The following NEGR1 variants were observed in gnomAD, a reference collection of about 807,000 sequenced individuals.
NEGR1 encodes neuronal growth regulator 1, also known as IgLON family member 4.
Under a neutral mutation model 40.9 loss-of-function variants are expected in NEGR1, and 10 were observed. The ratio of observed to expected loss-of-function variants is 0.24; its 90% CI spans 0.15 to 0.42. NEGR1 has a LOEUF of 0.42. Ranked by LOEUF, NEGR1 falls within the 10% of genes least tolerant of loss-of-function variation. The pLI is 1.00. For missense variants in NEGR1, 352 were observed against 438.9 expected (o/e 0.80, Z 1.77); for synonymous variants, 185 against 166.8 (o/e 1.11, Z -0.84).
intron 6 of NEGR1, among the ~76,000 whole-genome samples, chr1:71,446,627 G>T (rs1259172634): frequency 6.6e-6 from 1 of 152,172 alleles, no homozygotes; most frequent in African/African-American, 2.4e-5. Context: ...GACTGTGTAT[G>T]CTGTGTATGT....
chr1:72,063,402 T>C (rs1039860000), intron 1 of NEGR1, among the ~76,000 whole-genome samples: 5 of 151,960 alleles, frequency 3.3e-5, no homozygotes, highest in Non-Finnish European at 5.9e-5. Flanking sequence ...CTTATAGTTA[T>C]GTACGGCGTA....
intron 1 of NEGR1, among the ~76,000 whole-genome samples, chr1:71,983,680 T>C (rs1646372071): frequency 6.6e-6 from 1 of 152,154 alleles, no homozygotes; most frequent in Non-Finnish European, 1.5e-5. Context: ...AAATGAAAGA[T>C]GTATAAAGAA....
In NEGR1 at chr1:72,151,137, G is replaced by T. The variant is rs192529019; in HGVS notation, c.176+131182C>A. Among the ~76,000 whole-genome samples, 5 of 151,798 alleles carry T rather than the reference G, an allele frequency of 3.3e-5. No homozygotes were observed. In the East Asian group the frequency reaches 9.7e-4, roughly 29 times the overall value. On this transcript the variant is annotated intron_variant, in intron 1 of 6. Coordinates refer to ENST00000357731, the MANE Select transcript of NEGR1 (RefSeq NM_173808.3). ...TCTTACAATATAGAGAAACAAACAA[G>T]AAACGAAATGAAGAACAAAAGGTTT...
At chr1:71,407,732 T>C (rs1160387462) in intron 6 of NEGR1, 162 bp from the exon 7 acceptor site, 8 of 588,358 alleles carry the variant, frequency 1.4e-5, no homozygotes, top group African/African-American at 7.6e-5. Flanking sequence ...GTGTGGGCTA[T>C]GTGGCTAACT....
At chr1:72,181,362 C>A (rs142249200) in intron 1 of NEGR1, among the ~76,000 whole-genome samples, 45 of 152,200 alleles carry the variant, frequency 3.0e-4, no homozygotes, top group Admixed American at 7.2e-4. Flanking sequence ...ATCTGGAAGT[C>A]ATCTCTTGGT....
intron 6 of NEGR1, among the ~76,000 whole-genome samples, chr1:71,578,668 G>A (rs1557573913): frequency 6.6e-6 from 1 of 152,164 alleles, no homozygotes; most frequent in East Asian, 1.9e-4. Context: ...TGTATAATTT[G>A]AAGGAAAGGG....
intron 1 of NEGR1, among the ~76,000 whole-genome samples, chr1:72,108,857 C>T (rs1010879896): frequency 2.6e-5 from 4 of 151,504 alleles, no homozygotes; most frequent in African/African-American, 9.6e-5. Flanking sequence ...AATTTTAATC[C>T]AAGTTTGTCA....
At chr1:71,758,811 A>G (rs1655833023) in intron 3 of NEGR1, among the ~76,000 whole-genome samples, 1 of 151,988 alleles carries the variant, frequency 6.6e-6, no homozygotes, top group Non-Finnish European at 1.5e-5. Flanking sequence ...TCTCTTTCTT[A>G]CTCATATATA....
chr1:71,609,617 ATT>A (rs1335385560), intron 5 of NEGR1, among the ~76,000 whole-genome samples: 2 of 144,020 alleles, frequency 1.4e-5, no homozygotes, highest in African/African-American at 5.1e-5. Context: ...AAAAAGGGAT[ATT>A]GTCTTCCACA....
chr1:72,130,213 G>A (rs1376830524), intron 1 of NEGR1, among the ~76,000 whole-genome samples: 1 of 152,042 alleles, frequency 6.6e-6, no homozygotes, highest in Non-Finnish European at 1.5e-5. Flanking sequence ...GTGATCCAGC[G>A]AGCTGCATGT....
chr1:71,930,118 G>A (rs1645840954), intron 2 of NEGR1, among the ~76,000 whole-genome samples: 1 of 152,030 alleles, frequency 6.6e-6, no homozygotes, highest in African/African-American at 2.4e-5. Flanking sequence ...CTATCTCCCT[G>A]TTATTGGAAT....
At chr1:71,770,655 C>T (rs1656285683) in intron 3 of NEGR1, among the ~76,000 whole-genome samples, 1 of 151,954 alleles carries the variant, frequency 6.6e-6, no homozygotes, top group Admixed American at 6.6e-5. Flanking sequence ...CACAGGAGAC[C>T]GATTTGGTGT....
intron 1 of NEGR1, among the ~76,000 whole-genome samples, chr1:71,954,806 T>A (rs1426372429): frequency 6.6e-6 from 1 of 152,014 alleles, no homozygotes; most frequent in Non-Finnish European, 1.5e-5. Context: ...CCAATCCTAA[T>A]AAAAAGTACT....
At chr1:72,137,816 A>G (rs915815296) in intron 1 of NEGR1, among the ~76,000 whole-genome samples, 3 of 152,154 alleles carry the variant, frequency 2.0e-5, no homozygotes, top group African/African-American at 7.2e-5. Context: ...CCAGAGAAAA[A>G]CAGCACATTG....
chr1:72,153,013 T>C lies in NEGR1; in HGVS notation c.176+129306A>G, dbSNP rs532974461. Among the ~76,000 whole-genome samples, 9 of 151,986 alleles carry C rather than the reference T, an allele frequency of 5.9e-5. No individual in the cohort carries two copies. The South Asian group carries it at 1.0e-3, about 17-fold the overall frequency. Reference sequence around the variant, plus strand: ...GGGAGGTGTGGTTTGAAAAACTACATATTCGGTACTATATTCACTACCTTG... The same window carrying C: ...GGGAGGTGTGGTTTGAAAAACTACACATTCGGTACTATATTCACTACCTTG... On this transcript the variant is annotated intron_variant, in intron 1 of 6. Transcript: ENST00000357731.
intron 4 of NEGR1, among the ~76,000 whole-genome samples, chr1:71,620,889 C>A (rs901348364): frequency 1.3e-5 from 2 of 151,878 alleles, no homozygotes; most frequent in Admixed American, 1.3e-4. Flanking sequence ...AGTACTTAAC[C>A]CTTCTAAATC....
intron 3 of NEGR1, among the ~76,000 whole-genome samples, chr1:71,754,062 G>C (rs1181325655): frequency 6.6e-6 from 1 of 151,540 alleles, no homozygotes; most frequent in African/African-American, 2.4e-5. Flanking sequence ...AGAGACAGAG[G>C]GTACTATCAA....
chr1:71,781,140 T>C (rs1312309264), intron 2 of NEGR1, among the ~76,000 whole-genome samples: 1 of 152,218 alleles, frequency 6.6e-6, no homozygotes, highest in East Asian at 1.9e-4. Context: ...CTTTAATTTC[T>C]TTCAAGAATT....
intron 1 of NEGR1, among the ~76,000 whole-genome samples, chr1:72,039,179 G>A (rs528831372): frequency 1.5e-4 from 23 of 152,088 alleles, no homozygotes; most frequent in Non-Finnish European, 2.5e-4. Context: ...ATAGTTCAAC[G>A]TGTATTAAGA....
Sources: gnomAD v4.1 joint callset for allele counts (sites outside exome capture counted in the v4.1 genomes callset) on GRCh38, gnomAD v4.1.1 for gene constraint, MANE v1.5 for transcripts, NCBI Gene and HGNC (gene_info 2026-07-23, HGNC 2026-07-21) for gene names.